The following TMEM222 variants were observed in gnomAD, a reference collection of about 807,000 sequenced individuals.
The protein encoded by TMEM222 is transmembrane protein 222.
In TMEM222, 18 loss-of-function variants were observed where a neutral mutation model predicts 25.1. The ratio of observed to expected loss-of-function variants is 0.72; its 90% CI spans 0.50 to 1.06. The LOEUF (loss-of-function observed/expected upper bound fraction) is 1.06. Ranked by LOEUF, TMEM222 falls within the 50% of genes least tolerant of loss-of-function variation. The pLI, the probability that TMEM222 is intolerant of heterozygous loss-of-function variation, is 0.00. For missense variants in TMEM222, 296 were observed against 293.7 expected, an observed-to-expected ratio of 1.01 and a Z score of -0.06; for synonymous variants, 131 against 117.9, an observed-to-expected ratio of 1.11 and a Z score of -0.72.
At chr1:27,322,585 C>G (rs1006592693) in intron 1 of TMEM222, among the ~76,000 whole-genome samples, 194 bp downstream of exon 1, 1 of 152,246 alleles carries the variant, frequency 6.6e-6, no homozygotes, top group Admixed American at 6.5e-5. Flanking sequence ...GCTCCCTGCT[C>G]TCAATACACC....
chr1:27,322,436 G>A (rs1020910207), intron 1 of TMEM222, 45 bp downstream of exon 1: 30 of 1,328,534 alleles, frequency 2.3e-5, no homozygotes, highest in Non-Finnish European at 2.9e-5. Context: ...AGGGCCCAGG[G>A]AGAGCCGGAG....
chr1:27,334,129 C>G, intron 4 of TMEM222, 22 bp from the exon 5 acceptor site: 3 of 1,614,084 alleles, frequency 1.9e-6, no homozygotes, highest in African/African-American at 2.7e-5. Flanking sequence ...CCCATCCTGA[C>G]CAGCCCTTCT....
At chr1:27,334,369 A>AAG in intron 5 of TMEM222, 88 bp downstream of exon 5, 1 of 1,579,152 alleles carries the variant, frequency 6.3e-7, no homozygotes, top group Non-Finnish European at 8.6e-7. Context: ...AGCGTCCTTC[A>AAG]GTCAGCCAGG....
At chr1:27,323,527 C>T (rs528132645) in intron 1 of TMEM222, among the ~76,000 whole-genome samples, 2 of 152,190 alleles carry the variant, frequency 1.3e-5, no homozygotes, top group Admixed American at 6.5e-5. Flanking sequence ...TGCCTGTAAT[C>T]CCAGCACTCT....
rs185028940 is a variant in TMEM222 at position 27,334,100 on chromosome 1, G to C, written c.408+46G>C. Reference sequence around the variant, plus strand: ...CCGGCACTCCCCAGGTGGGGACCAGGGGGGAGGCTCCCCTGCAGCCCATCC... The same window carrying C: ...CCGGCACTCCCCAGGTGGGGACCAGCGGGGAGGCTCCCCTGCAGCCCATCC... On this transcript the variant is annotated intron_variant, in intron 4 of 5. Coordinates refer to ENST00000374076, the MANE Select transcript of TMEM222 (RefSeq NM_032125.3). 7.7e-5 allele frequency: 125 copies of C among 1,613,994 alleles called. 1 individual carries two copies. Among genetic ancestry groups the C allele is most frequent in the Middle Eastern group, 1.6e-4 (1 of 6,062 alleles).
chr1:27,333,386 C>T, intron 3 of TMEM222: 1 of 471,198 alleles, frequency 2.1e-6, no homozygotes, highest in South Asian at 1.5e-5. Context: ...AGCCTTCTCA[C>T]ACCCCATCTT....
chr1:27,332,177 A>C, intron 3 of TMEM222, 76 bp downstream of exon 3: 1 of 1,547,230 alleles, frequency 6.5e-7, no homozygotes, highest in Non-Finnish European at 8.9e-7. Flanking sequence ...CTTCTGGGGC[A>C]CAGGAGGGGC....
chr1:27,331,418 A>G (rs2014475850), intron 2 of TMEM222, among the ~76,000 whole-genome samples: 1 of 152,196 alleles, frequency 6.6e-6, no homozygotes, highest in South Asian at 2.1e-4. Flanking sequence ...CTTTGTACTT[A>G]AAAATACTTT....
chr1:27,334,351 C>T (rs865864276), intron 5 of TMEM222, 70 bp downstream of exon 5: 1 of 1,600,276 alleles, frequency 6.2e-7, no homozygotes, highest in Non-Finnish European at 8.5e-7. Flanking sequence ...CCTAGAAAGA[C>T]CATTCCTAGC....
chr1:27,334,886 G>C (rs2014567808), intron 5 of TMEM222: 1 of 982,990 alleles, frequency 1.0e-6, no homozygotes, highest in Non-Finnish European at 1.3e-6. Flanking sequence ...GAGAATAACT[G>C]GTCACACAGA....
intron 5 of TMEM222, chr1:27,334,593 CAGGG>C (rs2014560758): frequency 6.9e-7 from 1 of 1,445,456 alleles, no homozygotes. Flanking sequence ...TCCGGCTCCT[CAGGG>C]AGGCTTCTAC....
intron 3 of TMEM222, chr1:27,332,373 A>G: frequency 1.4e-6 from 1 of 717,130 alleles, no homozygotes; most frequent in Non-Finnish European, 2.6e-6. Flanking sequence ...GGGTGAGGAA[A>G]GGGAAGGGAC....
Position 27,332,109 on chromosome 1 carries a change from A to G in TMEM222, c.311+8A>G. Reference sequence around the variant, plus strand: ...CTTTGGAAAGCCTGCCAAGTAAGTGATGAACACCCATGTGACTGGCTCTAG... The same window carrying G: ...CTTTGGAAAGCCTGCCAAGTAAGTGGTGAACACCCATGTGACTGGCTCTAG... On this transcript the variant is annotated splice_region_variant and intron_variant, in intron 3 of 5. Coordinates refer to ENST00000374076, the MANE Select transcript of TMEM222 (RefSeq NM_032125.3). 1 of 1,614,248 alleles carries G rather than the reference A, an allele frequency of 6.2e-7. No homozygotes were observed. Among genetic ancestry groups the G allele is most frequent in the Non-Finnish European group, 8.5e-7 (1 of 1,180,042 alleles).
intron 4 of TMEM222, 39 bp from the exon 5 acceptor site, chr1:27,334,112 C>T (rs373430638): frequency 6.2e-7 from 1 of 1,613,880 alleles, no homozygotes; most frequent in African/African-American, 1.3e-5. Context: ...GGGAGGCTCC[C>T]CTGCAGCCCA....
chr1:27,327,365 CGTTT>C (rs1300952349), intron 1 of TMEM222, among the ~76,000 whole-genome samples: 2 of 151,972 alleles, frequency 1.3e-5, no homozygotes, highest in African/African-American at 4.8e-5. Flanking sequence ...TCACTGTTGG[CGTTT>C]GTTTGTTGTT....
intron 3 of TMEM222, chr1:27,332,494 G>T (rs1296471052): frequency 2.8e-6 from 2 of 718,096 alleles, no homozygotes; most frequent in Non-Finnish European, 5.2e-6. Flanking sequence ...GAAGGTAGAA[G>T]AGAGGCATTG....
intron 1 of TMEM222, among the ~76,000 whole-genome samples, chr1:27,328,374 A>C (rs2014403009): frequency 6.6e-6 from 1 of 152,176 alleles, no homozygotes; most frequent in Non-Finnish European, 1.5e-5. Context: ...ACAGTGTTGG[A>C]AGAAGTTCGA....
intron 1 of TMEM222, among the ~76,000 whole-genome samples, chr1:27,330,161 G>C (rs2148016062): frequency 1.3e-5 from 2 of 152,134 alleles, no homozygotes; most frequent in African/African-American, 4.8e-5. Context: ...CACTTTGGGA[G>C]GCCAAGGCAC....
At chr1:27,333,186 C>G in intron 3 of TMEM222, 1 of 380,926 alleles carries the variant, frequency 2.6e-6, no homozygotes, top group South Asian at 1.9e-5. Context: ...TAGCTGCCAG[C>G]ATTCCATCAC....
Sources: allele counts gnomAD v4.1 joint callset (sites outside exome capture counted in the v4.1 genomes callset), GRCh38; gene constraint gnomAD v4.1.1; transcripts MANE v1.5; gene names NCBI Gene and HGNC (gene_info 2026-07-23, HGNC 2026-07-21).